Variants in WDFY3 observed in about 807,000 individuals in gnomAD.
WDFY3 encodes the protein WD repeat and FYVE domain containing 3.
A neutral mutation model predicts 409.6 loss-of-function variants in WDFY3; 66 were observed. The observed-to-expected ratio is 0.16, with a 90% CI of 0.13 to 0.20. The LOEUF (loss-of-function observed/expected upper bound fraction) is 0.20. Ranked by LOEUF, WDFY3 falls within the 10% of genes least tolerant of loss-of-function variation. The pLI is 1.00. For synonymous variants in WDFY3, 1,521 were observed against 1,537.1 expected (o/e 0.99, Z 0.25); for missense variants, 3,031 against 4,298.1 (o/e 0.71, Z 8.24).
At chr4:84,734,012 G>T (rs940659135) in intron 43 of WDFY3, among the ~76,000 whole-genome samples, 6 of 152,122 alleles carry the variant, frequency 3.9e-5, no homozygotes, top group African/African-American at 7.2e-5. Flanking sequence ...CATGTACGGG[G>T]GATATTCTAG....
intron 1 of WDFY3, among the ~76,000 whole-genome samples, chr4:84,947,465 T>C (rs976604770): frequency 6.7e-6 from 1 of 149,370 alleles, no homozygotes; most frequent in African/African-American, 2.5e-5. Context: ...TGAGCCAAGA[T>C]TGTGCCACTG....
intron 13 of WDFY3, among the ~76,000 whole-genome samples, chr4:84,811,585 A>G (rs1752500735): frequency 6.6e-6 from 1 of 152,190 alleles, no homozygotes; most frequent in South Asian, 2.1e-4. Flanking sequence ...TTATGCCCCA[A>G]ACAGCAAGCT....
intron 1 of WDFY3, among the ~76,000 whole-genome samples, chr4:84,945,655 A>C (rs373774593): frequency 1.3e-5 from 2 of 152,154 alleles, no homozygotes; most frequent in African/African-American, 2.4e-5. Flanking sequence ...CCTATAGTAC[A>C]TAAAATAAGC....
intron 53 of WDFY3, among the ~76,000 whole-genome samples, 180 bp downstream of exon 53, chr4:84,708,729 C>G (rs1050424143): frequency 1.3e-5 from 2 of 152,064 alleles, no homozygotes; most frequent in African/African-American, 4.8e-5. Context: ...TTAGTGGAGA[C>G]AGGGTTTCGC....
At chr4:84,695,511 G>GAT (rs1317254330) in intron 58 of WDFY3, among the ~76,000 whole-genome samples, 8 of 58,918 alleles carry the variant, frequency 1.4e-4, no homozygotes, top group African/African-American at 3.7e-4. Context: ...GAGAGAGATA[G>GAT]AGAGAGAGAG....
chr4:84,731,003 G>C (rs1012363806), intron 44 of WDFY3, among the ~76,000 whole-genome samples: 7 of 152,084 alleles, frequency 4.6e-5, no homozygotes, highest in African/African-American at 1.7e-4. Flanking sequence ...CTCCATGTTG[G>C]TCAGGATGGT....
intron 3 of WDFY3, among the ~76,000 whole-genome samples, chr4:84,871,015 T>C (rs964696618): frequency 6.6e-6 from 1 of 152,030 alleles, no homozygotes; most frequent in African/African-American, 2.4e-5. Context: ...CAACAGAAAC[T>C]TCTAGAAAGA....
intron 30 of WDFY3, among the ~76,000 whole-genome samples, chr4:84,769,889 A>G (rs1187985814): frequency 6.6e-6 from 1 of 152,062 alleles, no homozygotes; most frequent in Non-Finnish European, 1.5e-5. Context: ...AGCCACCTCA[A>G]CCTTCAGCAA....
chr4:84,944,361 T>A (rs947463567), intron 1 of WDFY3, among the ~76,000 whole-genome samples: 3 of 150,898 alleles, frequency 2.0e-5, no homozygotes, highest in Non-Finnish European at 4.4e-5. Context: ...ACGAAAAAAA[T>A]TAAAATAAAA....
In WDFY3 at chr4:84,810,336, C is replaced by A; in HGVS notation, c.1896G>T (p.Leu632=). 2 of 1,585,686 alleles carry A rather than the reference C, an allele frequency of 1.3e-6. No individual in the cohort carries two copies. Among genetic ancestry groups the A allele is most frequent in the Non-Finnish European group, 1.7e-6 (2 of 1,166,630 alleles). The change falls in exon 14 of 68, where the codon CTG becomes CTT. Residue 632 remains leucine (L), a synonymous_variant. Coordinates refer to ENST00000295888, the MANE Select transcript of WDFY3 (RefSeq NM_014991.6). ...QLKTDILRAL[L]SVLRESHRSR... Reference sequence around the variant, plus strand: ...AACGATGGCTTTCTCGAAGGACCGACAGGAGGGCCTACAGGAGACAAAAGA... The same window carrying A: ...AACGATGGCTTTCTCGAAGGACCGAAAGGAGGGCCTACAGGAGACAAAAGA...
chr4:84,950,295 G>C (rs1044592321), intron 1 of WDFY3, among the ~76,000 whole-genome samples: 6 of 151,526 alleles, frequency 4.0e-5, no homozygotes, highest in African/African-American at 1.5e-4. Context: ...AATCCCTAAT[G>C]CATGAGGGGT....
intron 1 of WDFY3, among the ~76,000 whole-genome samples, chr4:84,958,446 C>T (rs1280423854): frequency 6.6e-6 from 1 of 152,080 alleles, no homozygotes; most frequent in Non-Finnish European, 1.5e-5. Context: ...ATTCCAGTTC[C>T]TCCCATCCAA....
At chr4:84,921,696 C>T (rs1182001082) in intron 2 of WDFY3, among the ~76,000 whole-genome samples, 1 of 113,418 alleles carries the variant, frequency 8.8e-6, no homozygotes, top group Non-Finnish European at 1.6e-5. Context: ...CTCACTCTGT[C>T]GCCCAGGCTG....
chr4:84,731,327 A>G (rs1308172572), intron 44 of WDFY3, among the ~76,000 whole-genome samples: 1 of 152,196 alleles, frequency 6.6e-6, no homozygotes, highest in African/African-American at 2.4e-5. Context: ...GCACATTCCA[A>G]AAGATACAAG....
In WDFY3 at chr4:84,704,460, A is replaced by G. The variant is rs377142138; in HGVS notation, c.8336-16T>C. On this transcript the variant is annotated splice_polypyrimidine_tract_variant and intron_variant, in intron 54 of 67. Coordinates refer to ENST00000295888, the MANE Select transcript of WDFY3 (RefSeq NM_014991.6). The stretch of plus-strand genomic sequence containing the variant: ...GGAGTTTCTCCTGTTTAAGAAAATT[A>G]AAGCACAATTGAAACCAAAAGAAGA... 8.4e-6 allele frequency: 13 copies of G among 1,553,056 alleles called. No individual in the cohort carries two copies. The highest frequency in any genetic ancestry group is 1.1e-5 in the Non-Finnish European group (13 of 1,143,076).
chr4:84,732,753 C>G (rs1467930753), intron 44 of WDFY3, among the ~76,000 whole-genome samples: 1 of 152,064 alleles, frequency 6.6e-6, no homozygotes, highest in African/African-American at 2.4e-5. Flanking sequence ...GTATACACAG[C>G]ATATTTTCTT....
chr4:84,675,247 T>C (rs1726072742), intron 67 of WDFY3, among the ~76,000 whole-genome samples: 1 of 151,896 alleles, frequency 6.6e-6, no homozygotes, highest in Admixed American at 6.6e-5. Context: ...TGAGCCACTG[T>C]GCCCGGTCCC....
intron 13 of WDFY3, 22 bp downstream of exon 13, chr4:84,817,370 G>A: frequency 6.2e-7 from 1 of 1,612,286 alleles, no homozygotes; most frequent in South Asian, 1.1e-5. Context: ...TAAAAGAAGG[G>A]AAACACATTT....
intron 2 of WDFY3, among the ~76,000 whole-genome samples, chr4:84,906,662 TA>T (rs1222918960): frequency 6.6e-6 from 1 of 152,212 alleles, no homozygotes; most frequent in Non-Finnish European, 1.5e-5. Flanking sequence ...CTGTATACTT[TA>T]AATCATGCTT....
Sources: allele counts gnomAD v4.1 joint callset (sites outside exome capture counted in the v4.1 genomes callset), GRCh38; gene constraint gnomAD v4.1.1; transcripts MANE v1.5; gene names NCBI Gene and HGNC (gene_info 2026-07-23, HGNC 2026-07-21).